Variants in PCDHA11 observed in about 807,000 individuals in gnomAD.
The protein encoded by PCDHA11 is protocadherin alpha 11, also known as protocadherin alpha-11.
Under a neutral mutation model 70.3 loss-of-function variants are expected in PCDHA11, and 61 were observed. The observed-to-expected ratio is 0.87, with a 90% CI of 0.71 to 1.07. PCDHA11 has a LOEUF of 1.07. Among genes scored for constraint, PCDHA11 ranks in the 50% least tolerant of loss-of-function variants. The pLI is 0.00. For synonymous variants in PCDHA11, 633 were observed against 555.1 expected (o/e 1.14, Z -1.97); for missense variants, 1,324 against 1,237.5 (o/e 1.07, Z -1.05).
rs186179297 is a variant in PCDHA11, at chr5:140,987,139, G to A, written c.2539+4576G>A. Among the ~76,000 whole-genome samples the A allele has an allele frequency of 5.1e-4, 78 of 151,932 alleles. 3 individuals are homozygous for A. The East Asian group carries it at 0.014, about 28-fold the overall frequency. On this transcript the variant is annotated intron_variant, in intron 3 of 3. Transcript: ENST00000398640. The stretch of plus-strand genomic sequence containing the variant: ...TGAGGCAGGAGAATTGCTTGAACTC[G>A]GGAGGTGGAGGTTGCAGTGAGCTGA...
intron 1 of PCDHA11, chr5:140,927,190 G>A (rs1554204161): frequency 6.2e-7 from 1 of 1,614,156 alleles, no homozygotes; most frequent in South Asian, 1.1e-5. Context: ...CTACGACCTG[G>A]TGCTCGAGGA....
At chr5:140,967,733 C>T (rs1473723959) in intron 1 of PCDHA11, 7 of 1,614,024 alleles carry the variant, frequency 4.3e-6, no homozygotes, top group Non-Finnish European at 5.9e-6. Context: ...AATTGGGGGG[C>T]TGGATTATGA....
intron 1 of PCDHA11, among the ~76,000 whole-genome samples, chr5:140,960,278 T>A (rs2095536864): frequency 6.6e-6 from 1 of 152,192 alleles, no homozygotes. Context: ...CGTCACCTTT[T>A]TGGGACCCAG....
At chr5:140,938,727 G>GA (rs2092176789) in intron 1 of PCDHA11, among the ~76,000 whole-genome samples, 1 of 151,904 alleles carries the variant, frequency 6.6e-6, no homozygotes, top group South Asian at 2.1e-4. Flanking sequence ...CGTTTCTACA[G>GA]AAAAAAATAA....
Position 141,010,924 on chromosome 5 carries a change from T to G in PCDHA11, c.*987T>G, listed in dbSNP as rs1016736721. 1 of 153,778 alleles carries G rather than the reference T, an allele frequency of 6.5e-6. No homozygotes were observed. Among genetic ancestry groups the G allele is most frequent in the Non-Finnish European group, 1.5e-5 (1 of 68,046 alleles). 9.5% of individuals were successfully genotyped at this position (153,778 alleles called of 1,614,324 possible). A position where few individuals can be genotyped will look rare whatever the true frequency, so the allele number is the denominator to read the frequency against. Reference sequence around the variant, plus strand: ...CCCCTAAACTCTCCTCAAAAGAGAATTCAGTCTACAGCCATTTAAATGATC... The same window carrying G: ...CCCCTAAACTCTCCTCAAAAGAGAAGTCAGTCTACAGCCATTTAAATGATC... On this transcript the variant is annotated 3_prime_UTR_variant, in exon 4 of 4. Transcript: ENST00000398640.
rs147219331 is a variant in PCDHA11, at chr5:140,927,900, T to C, written c.2392-51049T>C. On this transcript the variant is annotated intron_variant, in intron 1 of 3. Transcript: ENST00000398640. Reference sequence around the variant, plus strand: ...TGGAGGTGACTGACGTGAACGATCATGCCCCCGAACTGGACTTCCTGACTC... The same window carrying C: ...TGGAGGTGACTGACGTGAACGATCACGCCCCCGAACTGGACTTCCTGACTC... 2,142 of 1,614,232 alleles carry C rather than the reference T, an allele frequency of 1.3e-3. 2 individuals are homozygous for C. The highest frequency in any genetic ancestry group is 1.7e-3 in the Non-Finnish European group (2,053 of 1,180,040).
chr5:140,906,137 G>C (rs1462672499), intron 1 of PCDHA11, among the ~76,000 whole-genome samples: 1 of 152,008 alleles, frequency 6.6e-6, no homozygotes, highest in East Asian at 1.9e-4. Context: ...AGTCTCCTTT[G>C]ATAACACCCT....
chr5:140,999,507 T>A (rs2097860188), intron 3 of PCDHA11, among the ~76,000 whole-genome samples: 1 of 152,078 alleles, frequency 6.6e-6, no homozygotes, highest in South Asian at 2.1e-4. Flanking sequence ...GAACCTACAT[T>A]TTAAGCATTT....
At chr5:140,966,489 C>T in intron 1 of PCDHA11, 1 of 440,146 alleles carries the variant, frequency 2.3e-6, no homozygotes, top group Non-Finnish European at 3.9e-6. Flanking sequence ...TTCCCTCCCC[C>T]TGGAGCTGTA....
At chr5:140,875,841 G>A in intron 1 of PCDHA11, 2 of 1,614,164 alleles carry the variant, frequency 1.2e-6, no homozygotes, top group Non-Finnish European at 1.7e-6. Flanking sequence ...ACGTGGAGGT[G>A]AAGGACATTA....
Position 140,869,678 on chromosome 5 carries a change from T to A in PCDHA11, c.575T>A (p.Leu192Gln). 1.9e-6 allele frequency: 3 copies of A among 1,613,496 alleles called. No individual in the cohort carries two copies. Among genetic ancestry groups the A allele is most frequent in the East Asian group, 4.5e-5 (2 of 44,880 alleles). ...SPTNGKQIKR[L>Q]SLILKKSLDR... ...ACAAATGGTAAGCAGATTAAAAGAC[T>A]GTCACTTATTTTAAAGAAGTCTCTG... Residue 192 changes from leucine (L) to glutamine (Q), a missense_variant, in exon 1 of 4, where the codon CTG becomes CAG. By Grantham distance (113) the Leu-to-Gln change is moderately radical (BLOSUM62 -2). Coordinates refer to ENST00000398640, the MANE Select transcript of PCDHA11 (RefSeq NM_018902.5).
Position 140,871,453 on chromosome 5 carries a change from G to A in PCDHA11, c.2350G>A (p.Glu784Lys), listed in dbSNP as rs1554165628. The change falls in exon 1 of 4, where the codon GAA becomes AAA. Residue 784 changes from glutamate to lysine, a missense_variant. Transcript: ENST00000398640. ...TCCTCTAGGTCTGAATAAAGAGGAG[G>A]AAGGGGAAAGACAGGAGCCAGGGTC... Reference protein sequence around the residue: ...SLPLGLNKEEEGERQEPGSNH... With the variant: ...SLPLGLNKEEKGERQEPGSNH... 1 of 1,607,586 alleles carries A rather than the reference G, an allele frequency of 6.2e-7. No homozygotes were observed. Among genetic ancestry groups the A allele is most frequent in the Non-Finnish European group, 8.5e-7 (1 of 1,176,422 alleles).
At position 140,905,743 on chromosome 5, in the gene PCDHA11, C is replaced by G. The variant is rs550937383; in HGVS notation, c.2391+34249C>G. On this transcript the variant is annotated intron_variant, in intron 1 of 3. Coordinates refer to ENST00000398640, the MANE Select transcript of PCDHA11 (RefSeq NM_018902.5). ...GTTTTGTAGTTTTCCTTGTAGAGAT[C>G]TTTCACCTCCTTGGTTAAGTATATT... Among the ~76,000 whole-genome samples, 7 of 152,232 alleles carry G rather than the reference C, an allele frequency of 4.6e-5. No individual in the cohort carries two copies. In the South Asian group the frequency reaches 1.0e-3, roughly 23 times the overall value.
rs533995955 is a variant in PCDHA11, at chr5:140,975,833, A to T, written c.2392-3116A>T. On this transcript the variant is annotated intron_variant, in intron 1 of 3. Coordinates refer to ENST00000398640, the MANE Select transcript of PCDHA11 (RefSeq NM_018902.5). ...TTAATAGGAACTGAAGTGTATTCTT[A>T]TTCTTCAGTAATACTACATCACCCA... 2.6e-5 allele frequency among the ~76,000 whole-genome samples: 4 copies of T among 152,336 alleles called. No individual in the cohort carries two copies. In the South Asian group the frequency reaches 8.3e-4, roughly 32 times the overall value.
At chr5:140,924,903 AAATAAAAT>A (rs1318660055) in intron 1 of PCDHA11, among the ~76,000 whole-genome samples, 2 of 54,856 alleles carry the variant, frequency 3.6e-5, no homozygotes, top group African/African-American at 8.4e-5. Context: ...TCAAAAAAAA[AAATAAAAT>A]AAAATAAAAT....
chr5:140,969,538 G>A (rs916768919), intron 1 of PCDHA11: 11 of 1,304,024 alleles, frequency 8.4e-6, no homozygotes, highest in African/African-American at 1.5e-5. Flanking sequence ...TTCATTTTCA[G>A]AGGCATGAAG....
intron 1 of PCDHA11, among the ~76,000 whole-genome samples, chr5:140,873,086 C>A (rs984385666): frequency 1.3e-5 from 2 of 152,240 alleles, no homozygotes; most frequent in African/African-American, 2.4e-5. Flanking sequence ...ATTTCCCCCC[C>A]GTATAGAGGC....
At position 140,928,086 on chromosome 5, in the gene PCDHA11, G is replaced by A. The variant is rs17844363; in HGVS notation, c.2392-50863G>A. The A allele has an allele frequency of 1.9e-4, 304 of 1,614,206 alleles. No homozygotes were observed. The East Asian group carries it at 3.7e-3, about 20-fold the overall frequency. On this transcript the variant is annotated intron_variant, in intron 1 of 3. Transcript: ENST00000398640. ...CCTTTGACAACTACTACAGCCTGCT[G>A]ATTGATGGGCCCCTGGACCGGGAGC...
intron 1 of PCDHA11, chr5:140,927,755 C>T (rs1388061408): frequency 6.2e-7 from 1 of 1,614,196 alleles, no homozygotes; most frequent in South Asian, 1.1e-5. Flanking sequence ...CACGTGCACC[C>T]TAAAAGTGGG....
Sources: gnomAD v4.1 joint callset for allele counts (sites outside exome capture counted in the v4.1 genomes callset) on GRCh38, gnomAD v4.1.1 for gene constraint, MANE v1.5 for transcripts, NCBI Gene and HGNC (gene_info 2026-07-23, HGNC 2026-07-21) for gene names.